TESK2: variants seen among roughly 807,000 people sequenced by gnomAD.
The protein encoded by TESK2 is dual specificity testis-specific protein kinase 2.
TESK2 carries 39 observed loss-of-function variants against 57.1 expected under a neutral mutation model. The ratio of observed to expected loss-of-function variants is 0.68; its 90% confidence interval spans 0.53 to 0.89. The LOEUF is 0.89. Among genes scored for constraint, TESK2 ranks in the 40% least tolerant of loss-of-function variants. The pLI is 0.00. For synonymous variants in TESK2, 249 were observed against 267.9 expected, an observed-to-expected ratio of 0.93 and a Z score of 0.69; for missense variants, 646 against 732.1, an observed-to-expected ratio of 0.88 and a Z score of 1.36.
Position 45,423,614 on chromosome 1 carries a change from A to G in TESK2, c.223-1768T>C, listed in dbSNP as rs545965508. On this transcript the variant is annotated intron_variant, in intron 2 of 10. Coordinates refer to ENST00000372086, the MANE Select transcript of TESK2 (RefSeq NM_007170.3). ...AAATTTCATGCTAAATATAGAAAGA[A>G]GTCCGTGAACCTTTTAGAGCTAATA... Among the ~76,000 whole-genome samples, 17 of 152,028 alleles carry G rather than the reference A, an allele frequency of 1.1e-4. 2 individuals carry two copies. The South Asian group carries it at 3.5e-3, about 32-fold the overall frequency.
At chr1:45,375,033 T>C (rs757753062) in intron 4 of TESK2, among the ~76,000 whole-genome samples, 1 of 152,230 alleles carries the variant, frequency 6.6e-6, no homozygotes, top group Admixed American at 6.5e-5. Context: ...CTCTCACCTT[T>C]TTTGCAGTCT....
chr1:45,403,240 AAAAAAAAAG>A (rs1187724164), intron 3 of TESK2, among the ~76,000 whole-genome samples: 2 of 151,752 alleles, frequency 1.3e-5, no homozygotes, highest in Non-Finnish European at 2.9e-5. Context: ...TGGGAAAAAA[AAAAAAAAAG>A]AAAGAAAGAA....
intron 1 of TESK2, among the ~76,000 whole-genome samples, chr1:45,475,057 C>G (rs12090262): frequency 9.0e-6 from 1 of 111,230 alleles, no homozygotes; most frequent in Admixed American, 1.0e-4. Flanking sequence ...GAGCAAGACT[C>G]TATCTCAAAA....
intron 1 of TESK2, among the ~76,000 whole-genome samples, chr1:45,470,923 C>T (rs1454154893): frequency 6.6e-6 from 1 of 152,062 alleles, no homozygotes; most frequent in East Asian, 1.9e-4. Flanking sequence ...ATTAACTTGC[C>T]CAATCTCACA....
At chr1:45,411,751 A>G (rs1024780322) in intron 3 of TESK2, among the ~76,000 whole-genome samples, 2 of 152,224 alleles carry the variant, frequency 1.3e-5, no homozygotes, top group African/African-American at 4.8e-5. Context: ...AGACTGATTT[A>G]AGTGATAACT....
intron 5 of TESK2, among the ~76,000 whole-genome samples, chr1:45,351,614 CTT>C (rs1647232832): frequency 6.6e-6 from 1 of 152,230 alleles, no homozygotes; most frequent in African/African-American, 2.4e-5. Flanking sequence ...TTAAATCCCT[CTT>C]GTTAGCTCTG....
intron 5 of TESK2, among the ~76,000 whole-genome samples, chr1:45,353,846 G>A (rs992297465): frequency 7.9e-5 from 12 of 152,172 alleles, no homozygotes; most frequent in African/African-American, 2.9e-4. Flanking sequence ...AACTTCCTCT[G>A]AAAGCGACTC....
At chr1:45,380,976 A>C (rs566011307) in intron 4 of TESK2, among the ~76,000 whole-genome samples, 1 of 152,344 alleles carries the variant, frequency 6.6e-6, no homozygotes, top group African/African-American at 2.4e-5. Flanking sequence ...TGTAATAGAA[A>C]TAGACTTTGA....
At chr1:45,462,782 T>C (rs371203664) in intron 1 of TESK2, among the ~76,000 whole-genome samples, 24 of 152,242 alleles carry the variant, frequency 1.6e-4, no homozygotes, top group African/African-American at 4.8e-4. Flanking sequence ...TATCACATTG[T>C]AGCTCTACTT....
In TESK2 at chr1:45,370,910, A is replaced by T. The variant is rs1430988205; in HGVS notation, c.393+15002T>A. ...CAGGGAGAAACAAAATTAGATGTGTATTCAAAAGTGGTACTGGCATAAAAA... is the reference window on the plus strand; with the variant it reads ...CAGGGAGAAACAAAATTAGATGTGTTTTCAAAAGTGGTACTGGCATAAAAA... On this transcript the variant is annotated intron_variant, in intron 4 of 10. Coordinates refer to ENST00000372086, the MANE Select transcript of TESK2 (RefSeq NM_007170.3). Among the ~76,000 whole-genome samples, 4 of 152,168 alleles carry T rather than the reference A, an allele frequency of 2.6e-5. No individual in the cohort carries two copies. The East Asian group carries it at 7.7e-4, about 29-fold the overall frequency.
Position 45,344,628 on chromosome 1 carries a change from G to T in TESK2, c.*212C>A, listed in dbSNP as rs1215118661. Reference sequence around the variant, plus strand: ...CCTCCTTGCTGGATTTCAGAGGCTTGGTATCAGCTGTTGGCCCTAACTAGG... The same window carrying T: ...CCTCCTTGCTGGATTTCAGAGGCTTTGTATCAGCTGTTGGCCCTAACTAGG... On this transcript the variant is annotated 3_prime_UTR_variant, in exon 11 of 11. Coordinates refer to ENST00000372086, the MANE Select transcript of TESK2 (RefSeq NM_007170.3). 1.8e-6 allele frequency: 1 copy of T among 566,938 alleles called. No homozygotes were observed. Among genetic ancestry groups the T allele is most frequent in the Admixed American group, 3.1e-5 (1 of 31,806 alleles). The allele number at this position is 566,938 out of a possible 1,614,324, so 35.1% of individuals were successfully genotyped here.
At chr1:45,385,517 A>C (rs1340125178) in intron 4 of TESK2, 1 of 188,246 alleles carries the variant, frequency 5.3e-6, no homozygotes, top group Non-Finnish European at 9.9e-6. Context: ...GAGAGTTTGC[A>C]GTCAAGTGCT....
At chr1:45,488,308 G>A (rs1329799801) in intron 1 of TESK2, among the ~76,000 whole-genome samples, 3 of 152,090 alleles carry the variant, frequency 2.0e-5, no homozygotes, top group Admixed American at 1.3e-4. Flanking sequence ...ACTCACCATA[G>A]TGTCTTCAGT....
intron 2 of TESK2, among the ~76,000 whole-genome samples, chr1:45,447,582 T>TG (rs1651691654): frequency 6.6e-6 from 1 of 151,974 alleles, no homozygotes; most frequent in Non-Finnish European, 1.5e-5. Flanking sequence ...AGTTAACTTT[T>TG]TTTTTTAATA....
chr1:45,488,132 G>A (rs757728795), intron 1 of TESK2, among the ~76,000 whole-genome samples: 1 of 151,796 alleles, frequency 6.6e-6, no homozygotes, highest in Non-Finnish European at 1.5e-5. Flanking sequence ...CATGCTGGTC[G>A]CAAACTCCTG....
intron 1 of TESK2, among the ~76,000 whole-genome samples, chr1:45,461,397 C>T (rs1432195998): frequency 6.6e-6 from 1 of 152,104 alleles, no homozygotes; most frequent in Non-Finnish European, 1.5e-5. Flanking sequence ...GTCTGATCTC[C>T]ATTTTACAGA....
chr1:45,400,761 C>A (rs1232121104), intron 3 of TESK2, among the ~76,000 whole-genome samples: 1 of 152,024 alleles, frequency 6.6e-6, no homozygotes, highest in Non-Finnish European at 1.5e-5. Flanking sequence ...GTGGCTCACA[C>A]CTATAATCCC....
chr1:45,365,446 T>TTCATATA, intron 4 of TESK2, among the ~76,000 whole-genome samples: 1 of 152,344 alleles, frequency 6.6e-6, no homozygotes, highest in South Asian at 2.1e-4. Flanking sequence ...TCATATATGC[T>TTCATATA]TGCTGAATAC....
At chr1:45,475,424 C>G (rs1486481291) in intron 1 of TESK2, among the ~76,000 whole-genome samples, 2 of 152,030 alleles carry the variant, frequency 1.3e-5, no homozygotes, top group African/African-American at 4.8e-5. Context: ...CCAGACTGGT[C>G]TCGAACTCTT....
Sources: allele counts gnomAD v4.1 joint callset (sites outside exome capture counted in the v4.1 genomes callset), GRCh38; gene constraint gnomAD v4.1.1; transcripts MANE v1.5; gene names NCBI Gene and HGNC (gene_info 2026-07-23, HGNC 2026-07-21).